DTNBP1: variants seen among roughly 807,000 people sequenced by gnomAD.
The protein encoded by DTNBP1 is dystrobrevin binding protein 1, also known as dysbindin.
In DTNBP1, 35 loss-of-function variants were observed where a neutral mutation model predicts 42.8. The observed-to-expected ratio is 0.82, with a 90% confidence interval of 0.63 to 1.09. The LOEUF (loss-of-function observed/expected upper bound fraction) is 1.09. Among genes scored for constraint, DTNBP1 ranks in the 50% least tolerant of loss-of-function variants. The probability of loss-of-function intolerance (pLI) is 0.00; values close to 1 mark genes in which losing one functional copy is unlikely to be tolerated. For missense variants in DTNBP1, 457 were observed against 424.2 expected (o/e 1.08, Z -0.68); for synonymous variants, 171 against 162.2 (o/e 1.05, Z -0.41).
chr6:15,601,506 A>C (rs1776725986), intron 6 of DTNBP1, among the ~76,000 whole-genome samples: 1 of 152,200 alleles, frequency 6.6e-6, no homozygotes, highest in Non-Finnish European at 1.5e-5. Flanking sequence ...TTAATCCTTA[A>C]GAACTGTAAC....
intron 7 of DTNBP1, among the ~76,000 whole-genome samples, chr6:15,570,387 T>C (rs1485096919): frequency 6.6e-6 from 1 of 152,234 alleles, no homozygotes; most frequent in Non-Finnish European, 1.5e-5. Flanking sequence ...GGCCGTTTCC[T>C]GACTAGCAGT....
chr6:15,651,130 G>A (rs2113807497), intron 3 of DTNBP1, among the ~76,000 whole-genome samples, 183 bp downstream of exon 3: 1 of 152,238 alleles, frequency 6.6e-6, no homozygotes, highest in East Asian at 1.9e-4. Context: ...AAGTTTGAAT[G>A]GACTTTGTAC....
chr6:15,603,032 T>A (rs570219081), intron 6 of DTNBP1, among the ~76,000 whole-genome samples: 1 of 152,246 alleles, frequency 6.6e-6, no homozygotes, highest in Non-Finnish European at 1.5e-5. Flanking sequence ...AATAAACTGT[T>A]AAATATTCTA....
Position 15,522,873 on chromosome 6 carries a change from A to C in DTNBP1, c.*102T>G, listed in dbSNP as rs1367576030. 4 of 1,595,420 alleles carry C rather than the reference A, an allele frequency of 2.5e-6. No individual in the cohort carries two copies. The highest frequency in any genetic ancestry group is 1.1e-5 in the South Asian group (1 of 89,844). On this transcript the variant is annotated 3_prime_UTR_variant, in exon 10 of 10. Coordinates refer to ENST00000344537, the MANE Select transcript of DTNBP1 (RefSeq NM_032122.5). Reference sequence around the variant, plus strand: ...TCTCACACATTATTGGCAATTATGTAAAAATCAAGAACCTCTATAAAACAA... The same window carrying C: ...TCTCACACATTATTGGCAATTATGTCAAAATCAAGAACCTCTATAAAACAA...
At position 15,648,084 on chromosome 6, in the gene DTNBP1, A is replaced by G. The variant is rs145491429; in HGVS notation, c.161+3229T>C. On this transcript the variant is annotated intron_variant, in intron 3 of 9. Coordinates refer to ENST00000344537, the MANE Select transcript of DTNBP1 (RefSeq NM_032122.5). ...ATTTCCAAGAGGGATTTATTCCTGG[A>G]ATGCAAGAATGGCTCAACATATGAA... Among the ~76,000 whole-genome samples, 18 of 152,176 alleles carry G rather than the reference A, an allele frequency of 1.2e-4. No homozygotes were observed. In the East Asian group the frequency reaches 3.3e-3, roughly 28 times the overall value.
At chr6:15,628,216 A>G (rs1759466525) in intron 4 of DTNBP1, among the ~76,000 whole-genome samples, 1 of 152,152 alleles carries the variant, frequency 6.6e-6, no homozygotes, top group African/African-American at 2.4e-5. Flanking sequence ...GGGCCTAGAA[A>G]GACTTAGAAG....
At chr6:15,637,623 A>T in intron 4 of DTNBP1, 121 bp downstream of exon 4, 2 of 1,073,042 alleles carry the variant, frequency 1.9e-6, no homozygotes, top group Non-Finnish European at 2.8e-6. Flanking sequence ...GACTAGATTC[A>T]ATTTCAGATA....
At position 15,546,347 on chromosome 6, in the gene DTNBP1, G is replaced by C. The variant is rs543764638; in HGVS notation, c.512-12952C>G. Among the ~76,000 whole-genome samples the C allele has an allele frequency of 3.9e-5, 6 of 152,100 alleles. No homozygotes were observed. The South Asian group carries it at 1.0e-3, about 26-fold the overall frequency. On this transcript the variant is annotated intron_variant, in intron 7 of 9. Coordinates refer to ENST00000344537, the MANE Select transcript of DTNBP1 (RefSeq NM_032122.5). ...CCCAAAGTGCTGGGTTTACAGGTGT[G>C]AGCCACCGCGCCTGGCCCCACCTCC...
intron 3 of DTNBP1, among the ~76,000 whole-genome samples, chr6:15,638,999 T>C (rs560515247): frequency 7.9e-5 from 12 of 152,056 alleles, no homozygotes; most frequent in African/African-American, 2.9e-4. Flanking sequence ...TGCCCAGCCT[T>C]GGCCAGTACT....
intron 1 of DTNBP1, among the ~76,000 whole-genome samples, chr6:15,656,326 A>G (rs1761278531): frequency 6.6e-6 from 1 of 152,204 alleles, no homozygotes; most frequent in Non-Finnish European, 1.5e-5. Flanking sequence ...CCATCTGACA[A>G]CTATTTTCTA....
chr6:15,656,824 C>T (rs568052168), intron 1 of DTNBP1, among the ~76,000 whole-genome samples: 2 of 152,216 alleles, frequency 1.3e-5, no homozygotes, highest in South Asian at 2.1e-4. Flanking sequence ...TGAGATCTGC[C>T]GGTGATTCAA....
chr6:15,552,731 G>A (rs1322880764), intron 7 of DTNBP1, among the ~76,000 whole-genome samples: 1 of 152,140 alleles, frequency 6.6e-6, no homozygotes, highest in Admixed American at 6.5e-5. Context: ...GACCCATATG[G>A]TTTTGAAAAC....
chr6:15,556,997 G>C (rs972806796), intron 7 of DTNBP1, among the ~76,000 whole-genome samples: 2 of 152,172 alleles, frequency 1.3e-5, no homozygotes, highest in African/African-American at 4.8e-5. Flanking sequence ...GATAAGGCCT[G>C]GGGACCTGTG....
chr6:15,643,487 A>AT (rs780863378), intron 3 of DTNBP1, among the ~76,000 whole-genome samples: 10 of 152,162 alleles, frequency 6.6e-5, no homozygotes, highest in Admixed American at 2.0e-4. Context: ...CGAGACAAAC[A>AT]GTCATCAGAC....
At chr6:15,573,707 T>A (rs1329289069) in intron 7 of DTNBP1, among the ~76,000 whole-genome samples, 1 of 152,088 alleles carries the variant, frequency 6.6e-6, no homozygotes, top group Non-Finnish European at 1.5e-5. Flanking sequence ...TGTTTTGTTT[T>A]CGTTTGTTTG....
intron 1 of DTNBP1, chr6:15,660,282 T>C: frequency 8.6e-7 from 1 of 1,165,380 alleles, no homozygotes. Flanking sequence ...GCGTCATCTT[T>C]TCTCCTCAAG....
At chr6:15,563,435 T>G (rs147618595) in intron 7 of DTNBP1, among the ~76,000 whole-genome samples, 1 of 152,234 alleles carries the variant, frequency 6.6e-6, no homozygotes, top group Non-Finnish European at 1.5e-5. Flanking sequence ...GACATAAACA[T>G]AGTTATAATT....
At chr6:15,558,736 C>G (rs1299831683) in intron 7 of DTNBP1, among the ~76,000 whole-genome samples, 2 of 152,182 alleles carry the variant, frequency 1.3e-5, no homozygotes, top group Non-Finnish European at 2.9e-5. Flanking sequence ...TTATGACTTT[C>G]TACTTAAAAT....
chr6:15,522,878 TC>T lies in DTNBP1; in HGVS notation c.*96del, dbSNP rs1405780946. Reference sequence around the variant, plus strand: ...CACATTATTGGCAATTATGTAAAAATCAAGAACCTCTATAAAACAACCTGGC... The same window carrying T: ...CACATTATTGGCAATTATGTAAAAATAAGAACCTCTATAAAACAACCTGGC... On this transcript the variant is annotated 3_prime_UTR_variant, in exon 10 of 10. Transcript: ENST00000344537. 6.2e-7 allele frequency: 1 copy of T among 1,603,464 alleles called. No homozygotes were observed. Among genetic ancestry groups the T allele is most frequent in the Non-Finnish European group, 8.5e-7 (1 of 1,173,350 alleles).
Sources: allele counts gnomAD v4.1 joint callset (sites outside exome capture counted in the v4.1 genomes callset), GRCh38; gene constraint gnomAD v4.1.1; transcripts MANE v1.5; gene names NCBI Gene and HGNC (gene_info 2026-07-23, HGNC 2026-07-21).